Variants in UNC5A observed in about 807,000 individuals in gnomAD.
UNC5A encodes netrin receptor UNC5A.
UNC5A carries 20 observed loss-of-function variants against 87.4 expected under a neutral mutation model. That is an observed-to-expected ratio of 0.23 (90% CI 0.16 to 0.33). The LOEUF is 0.33. Among genes scored for constraint, UNC5A ranks in the 10% least tolerant of loss-of-function variants. UNC5A has a pLI of 1.00. For missense variants in UNC5A, 844 were observed against 1,133.4 expected (o/e 0.74, Z 3.67); for synonymous variants, 438 against 482.3 (o/e 0.91, Z 1.20).
At chr5:176,854,315 C>T (rs762654273) in intron 1 of UNC5A, among the ~76,000 whole-genome samples, 2 of 152,178 alleles carry the variant, frequency 1.3e-5, no homozygotes, top group Non-Finnish European at 2.9e-5. Flanking sequence ...TCTCTAACAG[C>T]AAGTGCGGAA....
chr5:176,853,416 G>A (rs538324249), intron 1 of UNC5A, among the ~76,000 whole-genome samples: 4 of 152,142 alleles, frequency 2.6e-5, no homozygotes, highest in Non-Finnish European at 5.9e-5. Flanking sequence ...TGCCGCCCCC[G>A]CCCTGCCCCT....
Position 176,856,438 on chromosome 5 carries a change from A to AG in UNC5A, c.71-6183dup, listed in dbSNP as rs1433466050. Among the ~76,000 whole-genome samples the AG allele has an allele frequency of 2.6e-5, 4 of 151,962 alleles. No homozygotes were observed. The East Asian group carries it at 7.8e-4, about 30-fold the overall frequency. The stretch of plus-strand genomic sequence containing the variant: ...ACCCTAGGCAGATCTGAAATTCTAG[A>AG]GGGAAAAAGCGGTGGTCATTCAGTC... On this transcript the variant is annotated intron_variant, in intron 1 of 14. Transcript: ENST00000329542.
chr5:176,819,388 A>G (rs1336168566), intron 1 of UNC5A, among the ~76,000 whole-genome samples: 2 of 152,216 alleles, frequency 1.3e-5, no homozygotes, highest in African/African-American at 4.8e-5. Context: ...GAAAACGAAG[A>G]AGAAGGAGAC....
intron 10 of UNC5A, 83 bp downstream of exon 10, chr5:176,877,786 C>T (rs71601324): frequency 1.3e-6 from 2 of 1,515,858 alleles, no homozygotes; most frequent in Non-Finnish European, 1.8e-6. Context: ...CTGGGTGGTC[C>T]TGAGCCGCAC....
At chr5:176,850,170 G>T (rs1757509357) in intron 1 of UNC5A, among the ~76,000 whole-genome samples, 1 of 152,234 alleles carries the variant, frequency 6.6e-6, no homozygotes, top group African/African-American at 2.4e-5. Context: ...ACAGGGCTGA[G>T]TGCATTGGTA....
At chr5:176,826,679 T>C (rs1406495641) in intron 1 of UNC5A, among the ~76,000 whole-genome samples, 5 of 137,406 alleles carry the variant, frequency 3.6e-5, no homozygotes, top group Admixed American at 3.3e-4. Context: ...CTTGCTCTGT[T>C]GCCCAGGCTG....
intron 1 of UNC5A, among the ~76,000 whole-genome samples, chr5:176,821,498 G>T (rs1414150759): frequency 6.6e-6 from 1 of 152,160 alleles, no homozygotes; most frequent in African/African-American, 2.4e-5. Flanking sequence ...CCACCCAAAT[G>T]CCAGGACGCC....
chr5:176,859,224 T>C (rs75666266), intron 1 of UNC5A, among the ~76,000 whole-genome samples: 122 of 11,782 alleles, frequency 0.01, 1 homozygote, highest in Non-Finnish European at 0.016. Flanking sequence ...TGCTAGAATG[T>C]CCTTGCTAGA....
Position 176,878,275 on chromosome 5 carries a change from G to T in UNC5A, c.1901G>T (p.Gly634Val). The change falls in exon 12 of 15, where the codon GGA (glycine) becomes GTA (valine). Residue 634 changes from glycine (G) to valine (V), a missense_variant. Physicochemically the swap from Gly to Val is moderately radical, Grantham distance 109. Transcript: ENST00000329542. ...EVVQLEKQLGGQLIQEPRVLH... is the reference protein window; with the variant it reads ...EVVQLEKQLGVQLIQEPRVLH... ...GTGCAGCTGGAGAAGCAGCTGGGGGGACAGCTGATCCAGGAGCCACGGGTC... is the reference window on the plus strand; with the variant it reads ...GTGCAGCTGGAGAAGCAGCTGGGGGTACAGCTGATCCAGGAGCCACGGGTC... 5 of 1,612,838 alleles carry T rather than the reference G, an allele frequency of 3.1e-6. No homozygotes were observed. The highest frequency in any genetic ancestry group is 3.4e-6 in the Non-Finnish European group (4 of 1,179,928).
rs1187738072 is a variant in UNC5A at position 176,865,418 on chromosome 5, T to C, written c.292+2573T>C. ...GGCCGGCACACACACCGGGAGCCCC[T>C]GGCCCACACTCCCCAGCCGGCTCCT... On this transcript the variant is annotated intron_variant, in intron 2 of 14. Coordinates refer to ENST00000329542, the MANE Select transcript of UNC5A (RefSeq NM_133369.3). The surrounding 1 kb of genome is among the most constrained non-coding windows in gnomAD (Gnocchi z 5.3). The C allele has an allele frequency of 2.8e-6, 1 of 357,956 alleles. No individual in the cohort carries two copies. Among genetic ancestry groups the C allele is most frequent in the African/African-American group, 2.1e-5 (1 of 46,656 alleles). 22.2% of individuals were successfully genotyped at this position (357,956 alleles called of 1,614,324 possible).
intron 8 of UNC5A, among the ~76,000 whole-genome samples, chr5:176,876,587 G>T (rs1462127068): frequency 6.6e-6 from 1 of 152,222 alleles, no homozygotes; most frequent in East Asian, 1.9e-4. Context: ...AGACGTTGGA[G>T]CAGAGGCAAG....
intron 1 of UNC5A, among the ~76,000 whole-genome samples, chr5:176,837,539 G>T (rs1468051901): frequency 6.6e-6 from 1 of 152,190 alleles, no homozygotes; most frequent in Non-Finnish European, 1.5e-5. Context: ...CCACACCAGG[G>T]ACAGGGTCAC....
chr5:176,858,768 A>C (rs554286576), intron 1 of UNC5A, among the ~76,000 whole-genome samples: 1,773 of 135,832 alleles, frequency 0.013, 71 homozygotes, highest in African/African-American at 0.052. Flanking sequence ...GGAAGGAAGG[A>C]AGGAAGGCAA....
chr5:176,878,694 A>T lies in UNC5A; in HGVS notation c.2184+55A>T, dbSNP rs549976400. On this transcript the variant is annotated intron_variant, in intron 13 of 14. Coordinates refer to ENST00000329542, the MANE Select transcript of UNC5A (RefSeq NM_133369.3). ...GACGTGCTCCCACTACCAACTCCCC[A>T]CCAGCCCCCAAAACGCTCCTGCCCT... is the stretch of plus-strand genomic sequence containing the variant. 4.1e-4 allele frequency: 634 copies of T among 1,563,684 alleles called. 6 individuals are homozygous for T. In the South Asian group the frequency reaches 6.9e-3, roughly 17 times the overall value.
rs1757947288 is a variant in UNC5A, at chr5:176,865,304, T to C, written c.292+2459T>C. On this transcript the variant is annotated intron_variant, in intron 2 of 14. Transcript: ENST00000329542. The surrounding 1 kb of genome is among the most constrained non-coding windows in gnomAD (Gnocchi z 5.3). ...TTCCGGGCTCCCCCGCACACCCCTC[T>C]GTCTGAAACACCCCTGCCATTATGA... is the stretch of plus-strand genomic sequence containing the variant. Among the ~76,000 whole-genome samples the C allele has an allele frequency of 6.6e-6, 1 of 152,132 alleles. No homozygotes were observed. Among genetic ancestry groups the C allele is most frequent in the Admixed American group, 6.5e-5 (1 of 15,278 alleles).
At chr5:176,839,095 T>C (rs888855254) in intron 1 of UNC5A, among the ~76,000 whole-genome samples, 1 of 152,206 alleles carries the variant, frequency 6.6e-6, no homozygotes, top group Non-Finnish European at 1.5e-5. Flanking sequence ...ACCTGCCCTC[T>C]CCTATCATCC....
Position 176,869,657 on chromosome 5 carries a change from C to A in UNC5A, c.721+693C>A, listed in dbSNP as rs772146673. On this transcript the variant is annotated intron_variant, in intron 5 of 14. Coordinates refer to ENST00000329542, the MANE Select transcript of UNC5A (RefSeq NM_133369.3). The surrounding 1 kb of genome is among the most constrained non-coding windows in gnomAD (Gnocchi z 9.1). ...CGTGGACCGAGTGGTCCGTCTGCAG[C>A]GCCAGCTGTGGGCGCGGCTGGCAGA... 1.4e-6 allele frequency: 1 copy of A among 699,662 alleles called. No individual in the cohort carries two copies. Among genetic ancestry groups the A allele is most frequent in the Non-Finnish European group, 2.6e-6 (1 of 383,222 alleles). 43.3% of individuals were successfully genotyped at this position (699,662 alleles called of 1,614,324 possible). A position where few individuals can be genotyped will look rare whatever the true frequency, so the allele number is the denominator to read the frequency against.
At chr5:176,847,512 C>T (rs1757440986) in intron 1 of UNC5A, among the ~76,000 whole-genome samples, 2 of 152,036 alleles carry the variant, frequency 1.3e-5, no homozygotes, top group Non-Finnish European at 2.9e-5. Flanking sequence ...GGGGAACAAG[C>T]GCAGAGATAA....
intron 1 of UNC5A, among the ~76,000 whole-genome samples, chr5:176,857,214 C>G (rs1028154055): frequency 2.6e-5 from 4 of 152,362 alleles, no homozygotes; most frequent in Non-Finnish European, 2.9e-5. Context: ...TTTGTTTCCC[C>G]AACTTGAAAG....
Sources: allele counts gnomAD v4.1 joint callset (sites outside exome capture counted in the v4.1 genomes callset), GRCh38; gene constraint gnomAD v4.1.1; non-coding constraint Gnocchi (gnomAD v3.1); transcripts MANE v1.5; gene names NCBI Gene and HGNC (gene_info 2026-07-23, HGNC 2026-07-21).